Variants in HHAT observed in about 807,000 individuals in gnomAD.
HHAT encodes hedgehog acyltransferase.
In HHAT, 47 loss-of-function variants were observed where a neutral mutation model predicts 70.8. That is an observed-to-expected ratio of 0.66 (90% CI 0.53 to 0.85). The LOEUF is 0.85. HHAT is among the 40% of genes least tolerant of loss of function. HHAT has a pLI of 0.00. For missense variants in HHAT, 609 were observed against 604.8 expected (o/e 1.01, Z -0.07); for synonymous variants, 228 against 247.6 (o/e 0.92, Z 0.74).
intron 9 of HHAT, among the ~76,000 whole-genome samples, chr1:210,531,819 C>T (rs944219293): frequency 2.0e-5 from 3 of 152,158 alleles, no homozygotes; most frequent in African/African-American, 7.2e-5. Context: ...CTGTAACTAA[C>T]AGTGTTTCTT....
chr1:210,440,565 T>G (rs57387426), intron 7 of HHAT, among the ~76,000 whole-genome samples: 13 of 151,778 alleles, frequency 8.6e-5, no homozygotes, highest in Non-Finnish European at 1.8e-4. Flanking sequence ...GCTGGGACAG[T>G]GAGTCCTTCA....
Position 210,372,521 on chromosome 1 carries a change from A to G in HHAT, c.159+9602A>G, listed in dbSNP as rs191884689. On this transcript the variant is annotated intron_variant, in intron 3 of 11. Coordinates refer to ENST00000261458, the MANE Select transcript of HHAT (RefSeq NM_018194.6). ...CTAACTGAATTCTCCTACAAGTACA[A>G]ACATTCATTAGGTAGGGAAGTACAA... Among the ~76,000 whole-genome samples the G allele has an allele frequency of 2.0e-5, 3 of 152,328 alleles. No individual in the cohort carries two copies. The East Asian group carries it at 5.8e-4, about 29-fold the overall frequency.
At chr1:210,484,941 C>T (rs1242614392) in intron 8 of HHAT, among the ~76,000 whole-genome samples, 1 of 152,058 alleles carries the variant, frequency 6.6e-6, no homozygotes, top group Non-Finnish European at 1.5e-5. Flanking sequence ...CCTTTTTTCC[C>T]TCTGTGGTCC....
chr1:210,507,526 A>G (rs1025794208), intron 8 of HHAT, among the ~76,000 whole-genome samples: 3 of 151,648 alleles, frequency 2.0e-5, no homozygotes, highest in Non-Finnish European at 4.4e-5. Context: ...ACGCCTGGCT[A>G]ATTTTTGTAT....
At chr1:210,399,519 G>A (rs984246821) in intron 4 of HHAT, among the ~76,000 whole-genome samples, 1 of 152,142 alleles carries the variant, frequency 6.6e-6, no homozygotes, top group African/African-American at 2.4e-5. Context: ...CTCCCAAAGT[G>A]CTGGGATATC....
intron 9 of HHAT, among the ~76,000 whole-genome samples, chr1:210,578,999 C>A (rs1658561700): frequency 1.3e-5 from 2 of 152,174 alleles, no homozygotes; most frequent in Non-Finnish European, 2.9e-5. Flanking sequence ...GAGATCATGT[C>A]CTTTGCAAGA....
At chr1:210,458,103 G>A (rs1400766303) in intron 7 of HHAT, among the ~76,000 whole-genome samples, 3 of 152,100 alleles carry the variant, frequency 2.0e-5, no homozygotes, top group African/African-American at 4.8e-5. Flanking sequence ...TGGAAGCATG[G>A]CCTTTGGAGA....
intron 8 of HHAT, among the ~76,000 whole-genome samples, chr1:210,507,511 A>G (rs574032577): frequency 4.7e-4 from 72 of 151,654 alleles, no homozygotes; most frequent in African/African-American, 1.5e-3. Flanking sequence ...CAGGCACCCA[A>G]CACCACGCCT....
chr1:210,406,264 A>G (rs757602623), intron 6 of HHAT, among the ~76,000 whole-genome samples: 3 of 152,230 alleles, frequency 2.0e-5, no homozygotes, highest in Non-Finnish European at 1.5e-5. Context: ...ATTTTCAGAG[A>G]AACATAAACT....
chr1:210,660,510 G>A (rs553244425), intron 11 of HHAT, among the ~76,000 whole-genome samples: 28 of 152,182 alleles, frequency 1.8e-4, no homozygotes, highest in South Asian at 2.1e-4. Context: ...TATAGATTCA[G>A]TGCCATCCCC....
intron 9 of HHAT, among the ~76,000 whole-genome samples, chr1:210,516,925 A>G (rs2095066583): frequency 6.6e-6 from 1 of 152,356 alleles, no homozygotes; most frequent in Non-Finnish European, 1.5e-5. Context: ...CCACTGAGCC[A>G]TGGGGGCAGG....
At chr1:210,400,002 G>T (rs770749214) in intron 4 of HHAT, among the ~76,000 whole-genome samples, 4 of 152,192 alleles carry the variant, frequency 2.6e-5, no homozygotes, top group Non-Finnish European at 5.9e-5. Flanking sequence ...AGTCTTTTGT[G>T]GTTTGGATGG....
chr1:210,328,956 G>A lies in HHAT; in HGVS notation c.-192G>A. 4.0e-6 allele frequency: 5 copies of A among 1,256,850 alleles called. No homozygotes were observed. Among genetic ancestry groups the A allele is most frequent in the South Asian group, 4.5e-5 (2 of 44,838 alleles). 77.9% of individuals were successfully genotyped at this position (1,256,850 alleles called of 1,614,324 possible). A position where few individuals can be genotyped will look rare whatever the true frequency, so the allele number is the denominator to read the frequency against. ...ACGCGCGCTGCGCTGCTCCTCCAAA[G>A]GGCAGCTCCGGGGGAAAGAGGGTGG... On this transcript the variant is annotated 5_prime_UTR_variant, in exon 1 of 12. Coordinates refer to ENST00000261458, the MANE Select transcript of HHAT (RefSeq NM_018194.6).
chr1:210,595,119 C>T (rs1169072502), intron 10 of HHAT, among the ~76,000 whole-genome samples: 1 of 152,056 alleles, frequency 6.6e-6, no homozygotes, highest in Non-Finnish European at 1.5e-5. Flanking sequence ...TCCCCACTCC[C>T]CCCACCCCAC....
chr1:210,470,963 C>T lies in HHAT; in HGVS notation c.1007+6308C>T, dbSNP rs148168687. ...GTAATAGTCACACTCTACTTGGTTG[C>T]AACCCATCAGCATATAAGCCCTTTG... On this transcript the variant is annotated intron_variant, in intron 8 of 11. Coordinates refer to ENST00000261458, the MANE Select transcript of HHAT (RefSeq NM_018194.6). Among the ~76,000 whole-genome samples, 259 of 152,306 alleles carry T rather than the reference C, an allele frequency of 1.7e-3. 1 individual carries two copies. Among genetic ancestry groups the T allele is most frequent in the Non-Finnish European group, 3.3e-3 (222 of 68,032 alleles).
chr1:210,425,963 C>A (rs937800560), intron 7 of HHAT, among the ~76,000 whole-genome samples: 9 of 152,134 alleles, frequency 5.9e-5, no homozygotes, highest in African/African-American at 2.2e-4. Context: ...ATTGATTCTT[C>A]CCATCCATGA....
chr1:210,429,039 G>T (rs896306159), intron 7 of HHAT, among the ~76,000 whole-genome samples: 1 of 151,758 alleles, frequency 6.6e-6, no homozygotes, highest in East Asian at 1.9e-4. Flanking sequence ...GATTAAAGAG[G>T]TTAATTATTT....
At chr1:210,472,458 T>C (rs2094221799) in intron 8 of HHAT, among the ~76,000 whole-genome samples, 2 of 152,220 alleles carry the variant, frequency 1.3e-5, no homozygotes, top group South Asian at 2.1e-4. Flanking sequence ...TCTAGTGAAA[T>C]GGAACTGAAG....
At chr1:210,450,359 A>G (rs2093726979) in intron 7 of HHAT, among the ~76,000 whole-genome samples, 1 of 152,056 alleles carries the variant, frequency 6.6e-6, no homozygotes, top group African/African-American at 2.4e-5. Flanking sequence ...CAACTGGGGA[A>G]AATGTATGGA....
Sources: gnomAD v4.1 joint callset for allele counts (sites outside exome capture counted in the v4.1 genomes callset) on GRCh38, gnomAD v4.1.1 for gene constraint, MANE v1.5 for transcripts, NCBI Gene and HGNC (gene_info 2026-07-23, HGNC 2026-07-21) for gene names.